Variants in SLIT3 observed in about 807,000 individuals in gnomAD.
The protein encoded by SLIT3 is slit guidance ligand 3.
Under a neutral mutation model 184.0 loss-of-function variants are expected in SLIT3, and 68 were observed. The ratio of observed to expected loss-of-function variants is 0.37; its 90% CI spans 0.30 to 0.45. The LOEUF is 0.45. Ranked by LOEUF, SLIT3 falls within the 20% of genes least tolerant of loss-of-function variation. The pLI, the probability that SLIT3 is intolerant of heterozygous loss-of-function variation, is 1.00. For synonymous variants in SLIT3, 831 were observed against 828.6 expected (o/e 1.00, Z -0.05); for missense variants, 1,707 against 2,026.0 (o/e 0.84, Z 3.02).
rs1764261729 is a variant in SLIT3, at chr5:169,211,469, C to CTGT, written c.342-17922_342-17920dup. ...AATGGGCCATATATCCCTACATGAT[C>CTGT]TGTCCATCTCCCTATCCCGTTACCC... On this transcript the variant is annotated intron_variant, in intron 3 of 35. Coordinates refer to ENST00000519560, the MANE Select transcript of SLIT3 (RefSeq NM_003062.4). Among the ~76,000 whole-genome samples the CTGT allele has an allele frequency of 1.3e-5, 2 of 152,168 alleles. 1 individual carries two copies. Among genetic ancestry groups the CTGT allele is most frequent in the South Asian group, 4.1e-4 (2 of 4,822 alleles).
chr5:169,221,705 C>T (rs1430292808), intron 3 of SLIT3, among the ~76,000 whole-genome samples: 3 of 152,132 alleles, frequency 2.0e-5, no homozygotes, highest in African/African-American at 7.2e-5. Context: ...CCTCTGACTC[C>T]CCCGCCAGCC....
intron 12 of SLIT3, among the ~76,000 whole-genome samples, chr5:168,779,780 A>G (rs1755901764): frequency 6.6e-6 from 1 of 152,206 alleles, no homozygotes; most frequent in Non-Finnish European, 1.5e-5. Context: ...CTGTGCAGAA[A>G]AGTCCCAGGT....
rs540309809 is a variant in SLIT3, at chr5:168,967,437, CTTT to C, written c.414-84104_414-84102del. 3.7e-4 allele frequency among the ~76,000 whole-genome samples: 12 copies of C among 32,738 alleles called. 1 individual carries two copies. Among genetic ancestry groups the C allele is most frequent in the East Asian group, 2.2e-3 (1 of 450 alleles). The allele number at this position is 32,738 out of a possible 152,430, so 21.5% of individuals were successfully genotyped here. A position where few individuals can be genotyped will look rare whatever the true frequency, so the allele number is the denominator to read the frequency against. ...TTCCTCTGGCACTGCCATCTCAAAT[CTTT>C]TTTTTTTTTTTTTTTTTGAGACGGA... On this transcript the variant is annotated intron_variant, in intron 4 of 35. Transcript: ENST00000519560.
intron 9 of SLIT3, among the ~76,000 whole-genome samples, chr5:168,797,846 G>A (rs1037311812): frequency 3.9e-5 from 6 of 152,108 alleles, no homozygotes; most frequent in Admixed American, 6.5e-5. Context: ...GGCCAGGAAC[G>A]GGCAGAACTG....
At chr5:169,056,448 G>A (rs1758003901) in intron 4 of SLIT3, among the ~76,000 whole-genome samples, 1 of 152,118 alleles carries the variant, frequency 6.6e-6, no homozygotes, top group African/African-American at 2.4e-5. Context: ...CCTTTGCAGA[G>A]GCCCAGGCAT....
intron 5 of SLIT3, among the ~76,000 whole-genome samples, chr5:168,867,358 G>A (rs765554047): frequency 2.6e-5 from 4 of 152,216 alleles, no homozygotes; most frequent in Non-Finnish European, 4.4e-5. Context: ...GACAAGAGTC[G>A]AGATGGTGCT....
At chr5:169,002,435 T>C (rs561582961) in intron 4 of SLIT3, among the ~76,000 whole-genome samples, 17 of 144,238 alleles carry the variant, frequency 1.2e-4, no homozygotes, top group African/African-American at 4.2e-4. Context: ...ATGAAAAGAA[T>C]GGTCTGGGAA....
intron 4 of SLIT3, among the ~76,000 whole-genome samples, chr5:169,021,562 G>T (rs546243909): frequency 5.7e-4 from 86 of 152,202 alleles, no homozygotes; most frequent in African/African-American, 2.0e-3. Context: ...TGTTGGCCAG[G>T]CTGGTCTCGA....
intron 1 of SLIT3, among the ~76,000 whole-genome samples, chr5:169,258,557 T>C (rs1766056931): frequency 6.6e-6 from 1 of 152,166 alleles, no homozygotes. Context: ...GTTGCCTCTA[T>C]AAACAGGCAT....
intron 5 of SLIT3, among the ~76,000 whole-genome samples, chr5:168,856,950 A>T (rs2113739398): frequency 6.6e-6 from 1 of 152,102 alleles, no homozygotes; most frequent in South Asian, 2.1e-4. Context: ...TGGGTGGGCT[A>T]CGGACGTGCG....
chr5:168,797,570 G>A lies in SLIT3; in HGVS notation c.936-1992C>T, dbSNP rs533484669. On this transcript the variant is annotated intron_variant, in intron 9 of 35. Coordinates refer to ENST00000519560, the MANE Select transcript of SLIT3 (RefSeq NM_003062.4). ...CATCTTAATGATGGGTGCAAGAATTGAGGGAGAGACTAATCAAGGAACATG... is the reference window on the plus strand; with the variant it reads ...CATCTTAATGATGGGTGCAAGAATTAAGGGAGAGACTAATCAAGGAACATG... Among the ~76,000 whole-genome samples, 6 of 152,312 alleles carry A rather than the reference G, an allele frequency of 3.9e-5. No individual in the cohort carries two copies. The East Asian group carries it at 1.2e-3, about 29-fold the overall frequency.
At chr5:169,242,404 C>T (rs537971452) in intron 3 of SLIT3, among the ~76,000 whole-genome samples, 10 of 152,272 alleles carry the variant, frequency 6.6e-5, no homozygotes, top group Admixed American at 1.3e-4. Context: ...CCTTTCCTCC[C>T]GCCTCTGTAG....
At chr5:169,163,124 C>G (rs1377796557) in intron 4 of SLIT3, among the ~76,000 whole-genome samples, 1 of 151,930 alleles carries the variant, frequency 6.6e-6, no homozygotes, top group Admixed American at 6.6e-5. Flanking sequence ...TGTTCGAGAC[C>G]AGCCCGGCCA....
At chr5:168,920,656 C>CT (rs1259120844) in intron 4 of SLIT3, among the ~76,000 whole-genome samples, 2 of 152,202 alleles carry the variant, frequency 1.3e-5, no homozygotes, top group Admixed American at 1.3e-4. Context: ...AGAACTGCTG[C>CT]TTCTCTCTGC....
chr5:169,205,612 T>C (rs1764042171), intron 3 of SLIT3, among the ~76,000 whole-genome samples: 1 of 152,188 alleles, frequency 6.6e-6, no homozygotes, highest in South Asian at 2.1e-4. Flanking sequence ...CATTGGTTGG[T>C]TGAATGACTA....
chr5:168,687,060 C>T lies in SLIT3; in HGVS notation c.3233G>A (p.Cys1078Tyr), dbSNP rs754304771. 78 of 1,614,154 alleles carry T rather than the reference C, an allele frequency of 4.8e-5. No homozygotes were observed. Among genetic ancestry groups the T allele is most frequent in the Non-Finnish European group, 8.5e-6 (10 of 1,180,042 alleles). The change falls in exon 30 of 36, where the codon TGT becomes TAT. Residue 1078 changes from cysteine to tyrosine, a missense_variant. By Grantham distance (194) the Cys-to-Tyr change is radical. This residue lies in a region of SLIT3 where 1,307 missense variants were observed against 1,511.6 expected (regional missense o/e 0.86). Coordinates refer to ENST00000519560, the MANE Select transcript of SLIT3 (RefSeq NM_003062.4). Reference sequence around the variant, plus strand: ...CCCGTGGCGGCACTTGTGGGCCACACAGTCATCATTGTCTGTCTCACAGAG... The same window carrying T: ...CCCGTGGCGGCACTTGTGGGCCACATAGTCATCATTGTCTGTCTCACAGAG... ...GKLCETDNDD[C>Y]VAHKCRHGAQ...
In SLIT3 at chr5:169,178,601, T is replaced by C. The variant is rs185608463; in HGVS notation, c.413+14878A>G. Among the ~76,000 whole-genome samples, 62 of 152,280 alleles carry C rather than the reference T, an allele frequency of 4.1e-4. 1 individual carries two copies. In the East Asian group the frequency reaches 0.01, roughly 25 times the overall value. On this transcript the variant is annotated intron_variant, in intron 4 of 35. Coordinates refer to ENST00000519560, the MANE Select transcript of SLIT3 (RefSeq NM_003062.4). ...CACCCCACCACACACACACGATTCT[T>C]ATTTTCTTTCTTTCCTTTCTATTAC... is the stretch of plus-strand genomic sequence containing the variant.
At chr5:168,687,929 C>A (rs1270962479) in intron 29 of SLIT3, among the ~76,000 whole-genome samples, 2 of 152,224 alleles carry the variant, frequency 1.3e-5, no homozygotes, top group Non-Finnish European at 2.9e-5. Context: ...CAATCTGGCC[C>A]TTCCTAAAAG....
At chr5:169,278,298 A>G (rs1215315634) in intron 1 of SLIT3, among the ~76,000 whole-genome samples, 1 of 152,156 alleles carries the variant, frequency 6.6e-6, no homozygotes, top group East Asian at 1.9e-4. Context: ...GCTGCTTTAG[A>G]ATCAGGAAGC....
Sources: gnomAD v4.1 joint callset for allele counts (sites outside exome capture counted in the v4.1 genomes callset) on GRCh38, gnomAD v4.1.1 for gene constraint, gnomAD v4.1.1 regional missense constraint, MANE v1.5 for transcripts, NCBI Gene and HGNC (gene_info 2026-07-23, HGNC 2026-07-21) for gene names.